EMSY: variants seen among roughly 807,000 people sequenced by gnomAD.
EMSY encodes BRCA2-interacting transcriptional repressor EMSY.
In EMSY, 26 loss-of-function variants were observed where a neutral mutation model predicts 134.6. That is an observed-to-expected ratio of 0.19 (90% confidence interval 0.14 to 0.27). The LOEUF is 0.27. EMSY is among the 10% of genes least tolerant of loss of function. The pLI is 1.00. For missense variants in EMSY, 1,305 were observed against 1,611.4 expected, an observed-to-expected ratio of 0.81 and a Z score of 3.26; for synonymous variants, 579 against 577.8, an observed-to-expected ratio of 1.00 and a Z score of -0.03.
chr11:76,496,506 C>A (rs1949662159), intron 9 of EMSY, 37 bp downstream of exon 10: 1 of 1,604,888 alleles, frequency 6.2e-7, no homozygotes, highest in African/African-American at 1.3e-5. Flanking sequence ...GGTAATTCTT[C>A]TTTATTCACC....
rs147239808 is a variant in EMSY at position 76,469,245 on chromosome 11, A to G, written c.832-3319A>G. Among the ~76,000 whole-genome samples the G allele has an allele frequency of 1.6e-3, 248 of 152,306 alleles. 1 individual carries two copies. The highest frequency in any genetic ancestry group is 2.9e-3 in the Non-Finnish European group (196 of 68,020). On this transcript the variant is annotated intron_variant, in intron 7 of 20. Coordinates refer to ENST00000334736, the Ensembl canonical transcript of EMSY. ...TGCTTCCCTTGCCCTTGCCCATGAC[A>G]GACATTGCTAATTAACTGTGGCATA...
intron 8 of EMSY, among the ~76,000 whole-genome samples, chr11:76,493,833 G>A (rs1949520512): frequency 6.6e-6 from 1 of 152,184 alleles, no homozygotes; most frequent in Admixed American, 6.5e-5. Context: ...CCAAATGCCG[G>A]GACTGAAAGA....
chr11:76,538,169 C>G (rs763092978), intron 16 of EMSY, among the ~76,000 whole-genome samples: 1 of 152,108 alleles, frequency 6.6e-6, no homozygotes, highest in Non-Finnish European at 1.5e-5. Flanking sequence ...AACTACAAGT[C>G]AGCCATAAAT....
At chr11:76,551,096 A>G (rs1951823495) in exon 21 of EMSY, 1 of 152,762 alleles carries the variant, frequency 6.5e-6, no homozygotes, top group Non-Finnish European at 1.5e-5. Context: ...TAACTTTTAC[A>G]TACTTTTGTT....
chr11:76,530,583 C>G (rs1251178091), intron 14 of EMSY, among the ~76,000 whole-genome samples: 1 of 152,100 alleles, frequency 6.6e-6, no homozygotes, highest in Non-Finnish European at 1.5e-5. Flanking sequence ...ACTTTTGCAC[C>G]AACCTAATAC....
chr11:76,448,060 A>G (rs536462050), intron 2 of EMSY, among the ~76,000 whole-genome samples: 7 of 152,198 alleles, frequency 4.6e-5, no homozygotes, highest in Non-Finnish European at 1.0e-4. Flanking sequence ...ATTTGTTGAT[A>G]GTTTTGTTAA....
chr11:76,461,224 G>A (rs908522179), intron 6 of EMSY, among the ~76,000 whole-genome samples: 1 of 152,096 alleles, frequency 6.6e-6, no homozygotes, highest in Non-Finnish European at 1.5e-5. Flanking sequence ...TCAACTGGAG[G>A]TGATTAATAT....
At chr11:76,537,337 T>C (rs1951260332) in intron 15 of EMSY, among the ~76,000 whole-genome samples, 1 of 152,230 alleles carries the variant, frequency 6.6e-6, no homozygotes, top group Non-Finnish European at 1.5e-5. Context: ...TTTGGAGATA[T>C]CTTGAATTTT....
chr11:76,506,788 T>A (rs553708159), intron 9 of EMSY, among the ~76,000 whole-genome samples: 1 of 152,286 alleles, frequency 6.6e-6, no homozygotes, highest in Non-Finnish European at 1.5e-5. Flanking sequence ...AAAATCCCGA[T>A]AAGATGAAAA....
rs557159359 is a variant in EMSY, at chr11:76,500,378, T to A, written c.1363+3909T>A. Among the ~76,000 whole-genome samples the A allele has an allele frequency of 5.9e-5, 9 of 152,248 alleles. No individual in the cohort carries two copies. In the East Asian group the frequency reaches 1.5e-3, roughly 26 times the overall value. ...CCATTTATACCAGAGCATGGAGAAGTTCAAGACTAAGGGCATTCTCAAGAA... is the reference window on the plus strand; with the variant it reads ...CCATTTATACCAGAGCATGGAGAAGATCAAGACTAAGGGCATTCTCAAGAA... On this transcript the variant is annotated intron_variant, in intron 9 of 20. Coordinates refer to ENST00000334736, the Ensembl canonical transcript of EMSY.
intron 9 of EMSY, among the ~76,000 whole-genome samples, chr11:76,498,129 G>A (rs1949722756): frequency 6.6e-6 from 1 of 151,662 alleles, no homozygotes; most frequent in Non-Finnish European, 1.5e-5. Context: ...ATTTTTCTGG[G>A]TTTGTTTGTT....
At chr11:76,499,369 G>A (rs1348118061) in intron 9 of EMSY, among the ~76,000 whole-genome samples, 2 of 130,132 alleles carry the variant, frequency 1.5e-5, no homozygotes, top group East Asian at 2.5e-4. Context: ...CTCACTGCAA[G>A]CTCCACCTTC....
chr11:76,478,360 T>G (rs1948846094), intron 8 of EMSY, among the ~76,000 whole-genome samples: 1 of 150,354 alleles, frequency 6.7e-6, no homozygotes, highest in Non-Finnish European at 1.5e-5. Context: ...TTTTTTTTTT[T>G]TGAGACTGAG....
rs184683615 is a variant in EMSY, at chr11:76,534,995, G to A, written c.2195-900G>A. Among the ~76,000 whole-genome samples the A allele has an allele frequency of 2.6e-3, 395 of 152,242 alleles. 2 individuals carry two copies. Among genetic ancestry groups the A allele is most frequent in the South Asian group, 0.01 (50 of 4,828 alleles). ...TTTGATGCACATTTAGTATTTATAT[G>A]TGTACCTGTATAGCATGAATATAAT... is the stretch of plus-strand genomic sequence containing the variant. On this transcript the variant is annotated intron_variant, in intron 14 of 20. Coordinates refer to ENST00000334736, the Ensembl canonical transcript of EMSY.
At chr11:76,486,545 A>G (rs1949190856) in intron 8 of EMSY, among the ~76,000 whole-genome samples, 1 of 152,170 alleles carries the variant, frequency 6.6e-6, no homozygotes. Flanking sequence ...ACAGTTGTGC[A>G]TGTCTGGCAC....
chr11:76,527,628 C>T (rs1950889653), intron 13 of EMSY, among the ~76,000 whole-genome samples: 1 of 152,000 alleles, frequency 6.6e-6, no homozygotes, highest in African/African-American at 2.4e-5. Context: ...TTGTTTTTAA[C>T]TTTTGCCAGG....
intron 6 of EMSY, among the ~76,000 whole-genome samples, chr11:76,461,639 C>T (rs1021394908): frequency 1.3e-5 from 2 of 152,178 alleles, no homozygotes; most frequent in African/African-American, 4.8e-5. Context: ...ATTTTTAAAA[C>T]ACTAGGCTGG....
intron 8 of EMSY, among the ~76,000 whole-genome samples, chr11:76,485,944 A>G (rs559784975): frequency 6.6e-6 from 1 of 152,288 alleles, no homozygotes; most frequent in South Asian, 2.1e-4. Context: ...ATAAAGACAC[A>G]TGCACATGTA....
chr11:76,458,298 A>C (rs1947959218), exon 5 of EMSY: 2 of 1,614,020 alleles, frequency 1.2e-6, no homozygotes, highest in Non-Finnish European at 1.7e-6. Flanking sequence ...TGCTGTTGCT[A>C]ATGCAGCTAT....
Sources: allele counts gnomAD v4.1 joint callset (sites outside exome capture counted in the v4.1 genomes callset), GRCh38; gene constraint gnomAD v4.1.1; transcripts MANE v1.5; gene names NCBI Gene and HGNC (gene_info 2026-07-23, HGNC 2026-07-21).